The following SCMH1 variants were observed in gnomAD, a reference collection of about 807,000 sequenced individuals.
SCMH1 encodes polycomb protein SCMH1.
SCMH1 carries 37 observed loss-of-function variants against 70.8 expected under a neutral mutation model. The observed-to-expected ratio is 0.52, with a 90% CI of 0.40 to 0.69. The LOEUF (loss-of-function observed/expected upper bound fraction) is 0.69, where lower values mean the gene tolerates loss of function less well. Among genes scored for constraint, SCMH1 ranks in the 30% least tolerant of loss-of-function variants. SCMH1 has a pLI of 0.00. For missense variants in SCMH1, 607 were observed against 827.3 expected (o/e 0.73, Z 3.27); for synonymous variants, 292 against 307.4 (o/e 0.95, Z 0.52).
intron 1 of SCMH1, among the ~76,000 whole-genome samples, chr1:41,186,498 A>T (rs949014743): frequency 6.6e-6 from 1 of 152,210 alleles, no homozygotes; most frequent in African/African-American, 2.4e-5. Flanking sequence ...GTCCCATTCA[A>T]ATACTAAATT....
At chr1:41,185,636 AT>A (rs35853628) in intron 2 of SCMH1, among the ~76,000 whole-genome samples, 4,291 of 139,564 alleles carry the variant, frequency 0.031, 56 homozygotes, top group Middle Eastern at 0.052. Flanking sequence ...ATTGTTACAG[AT>A]TTTTTTTTTT....
chr1:41,182,816 A>C (rs898758853), intron 2 of SCMH1, among the ~76,000 whole-genome samples: 1 of 152,214 alleles, frequency 6.6e-6, no homozygotes, highest in Non-Finnish European at 1.5e-5. Flanking sequence ...GCACTAAAGA[A>C]AAAGAAACAA....
At chr1:41,059,695 C>G (rs1439468364) in intron 10 of SCMH1, among the ~76,000 whole-genome samples, 1 of 152,236 alleles carries the variant, frequency 6.6e-6, no homozygotes, top group Non-Finnish European at 1.5e-5. Context: ...TAAAAGAGCA[C>G]TGTAGCATGC....
rs140331070 is a variant in SCMH1 at position 41,072,374 on chromosome 1, A to G, written c.979-1653T>C. On this transcript the variant is annotated intron_variant, in intron 9 of 14. Transcript: ENST00000337495. ...CCTGAATAATGTAAACCTATTTGAGATAGGTACATGTACAATATTATATGT... is the reference window on the plus strand; with the variant it reads ...CCTGAATAATGTAAACCTATTTGAGGTAGGTACATGTACAATATTATATGT... 4.1e-3 allele frequency among the ~76,000 whole-genome samples: 621 copies of G among 152,344 alleles called. 9 individuals carry two copies. Among genetic ancestry groups the G allele is most frequent in the South Asian group, 0.023 (111 of 4,832 alleles).
intron 8 of SCMH1, among the ~76,000 whole-genome samples, chr1:41,081,214 G>A (rs575089344): frequency 7.6e-4 from 115 of 152,218 alleles, no homozygotes; most frequent in African/African-American, 2.6e-3. Flanking sequence ...ATATTGATAG[G>A]GGAAATTAAA....
intron 6 of SCMH1, among the ~76,000 whole-genome samples, chr1:41,139,464 T>G (rs934319617): frequency 6.6e-6 from 1 of 152,198 alleles, no homozygotes; most frequent in Non-Finnish European, 1.5e-5. Context: ...GATTGTTTCC[T>G]TTTTGATCTG....
chr1:41,190,225 A>T (rs1651353513), intron 1 of SCMH1, among the ~76,000 whole-genome samples: 2 of 152,212 alleles, frequency 1.3e-5, no homozygotes, highest in South Asian at 4.1e-4. Flanking sequence ...GAATTTAAGA[A>T]ACTAGGGAAG....
At chr1:41,132,322 G>C (rs957852486) in intron 6 of SCMH1, among the ~76,000 whole-genome samples, 1 of 152,120 alleles carries the variant, frequency 6.6e-6, no homozygotes. Flanking sequence ...TTTTTCATGT[G>C]TCTGTTGGCT....
intron 8 of SCMH1, among the ~76,000 whole-genome samples, chr1:41,081,336 C>A (rs762053677): frequency 3.3e-5 from 5 of 152,104 alleles, no homozygotes; most frequent in Admixed American, 2.6e-4. Context: ...CAATGCAATT[C>A]CAATAGAAAT....
chr1:41,218,489 T>C (rs1573162179), intron 1 of SCMH1, among the ~76,000 whole-genome samples: 1 of 152,058 alleles, frequency 6.6e-6, no homozygotes, highest in South Asian at 2.1e-4. Flanking sequence ...CACCAAGGAC[T>C]GAGCTAGGAA....
intron 2 of SCMH1, among the ~76,000 whole-genome samples, chr1:41,182,287 C>T (rs911794528): frequency 6.6e-6 from 1 of 152,166 alleles, no homozygotes; most frequent in Non-Finnish European, 1.5e-5. Context: ...CAACATGGCA[C>T]ATGTATACAT....
Position 41,070,659 on chromosome 1 carries a change from C to T in SCMH1, c.1041G>A (p.Pro347=), listed in dbSNP as rs369140156. 6.7e-5 allele frequency: 108 copies of T among 1,614,008 alleles called. 1 individual carries two copies. In the South Asian group the frequency reaches 7.7e-4, roughly 11 times the overall value. ...CATCCTGGGGTACAGTGCTGGTATCCGGTTCAGGAGTGCTGGTTGTTGGTG... is the reference window on the plus strand; with the variant it reads ...CATCCTGGGGTACAGTGCTGGTATCTGGTTCAGGAGTGCTGGTTGTTGGTG... The change falls in exon 10 of 15, where the codon CCG becomes CCA. Residue 347 remains proline (P), a synonymous_variant. Transcript: ENST00000337495.
intron 13 of SCMH1, among the ~76,000 whole-genome samples, chr1:41,036,676 A>C (rs1645341931): frequency 6.6e-6 from 1 of 152,222 alleles, no homozygotes; most frequent in Non-Finnish European, 1.5e-5. Context: ...CTTCTATGAT[A>C]TATGCCTTGA....
chr1:41,085,784 GATA>G (rs112741489), intron 8 of SCMH1, among the ~76,000 whole-genome samples: 3 of 149,976 alleles, frequency 2.0e-5, no homozygotes, highest in African/African-American at 7.3e-5. Context: ...ATATTGAAAT[GATA>G]ATGTTTTGGA....
intron 1 of SCMH1, among the ~76,000 whole-genome samples, chr1:41,199,743 G>T (rs1653855011): frequency 6.6e-6 from 1 of 151,250 alleles, no homozygotes; most frequent in Non-Finnish European, 1.5e-5. Flanking sequence ...GGTGGGGGTG[G>T]GAGGATGCTG....
At chr1:41,070,641 G>C (rs751927057) in exon 10 of SCMH1, 1 of 1,614,094 alleles carries the variant, frequency 6.2e-7, no homozygotes, top group Non-Finnish European at 8.5e-7. Flanking sequence ...CAGCATCCTG[G>C]GGTACAGTGC....
intron 2 of SCMH1, among the ~76,000 whole-genome samples, chr1:41,162,178 C>T (rs1572740903): frequency 6.6e-6 from 1 of 152,296 alleles, no homozygotes; most frequent in African/African-American, 2.4e-5. Context: ...CCCCTGCACT[C>T]TTGGGGGTCC....
At chr1:41,082,557 T>C (rs962693194) in intron 8 of SCMH1, among the ~76,000 whole-genome samples, 3 of 152,074 alleles carry the variant, frequency 2.0e-5, no homozygotes, top group African/African-American at 7.2e-5. Flanking sequence ...AAAGAGCTCC[T>C]GAAGGAAGCA....
intron 8 of SCMH1, among the ~76,000 whole-genome samples, chr1:41,077,479 G>A (rs1448767873): frequency 6.6e-6 from 1 of 152,152 alleles, no homozygotes; most frequent in Non-Finnish European, 1.5e-5. Flanking sequence ...TGTGGTTTTA[G>A]GAGATAAGGT....
Sources: allele counts gnomAD v4.1 joint callset (sites outside exome capture counted in the v4.1 genomes callset), GRCh38; gene constraint gnomAD v4.1.1; transcripts MANE v1.5; gene names NCBI Gene and HGNC (gene_info 2026-07-23, HGNC 2026-07-21).